Variants in TRIO observed in about 807,000 individuals in gnomAD.
The protein encoded by TRIO is triple functional domain protein.
In TRIO, 58 loss-of-function variants were observed where a neutral mutation model predicts 351.9. That is an observed-to-expected ratio of 0.16 (90% CI 0.13 to 0.21). The LOEUF is 0.21. Among genes scored for constraint, TRIO ranks in the 10% least tolerant of loss-of-function variants. The pLI is 1.00. For missense variants in TRIO, 3,201 were observed against 4,027.8 expected (o/e 0.79, Z 5.56); for synonymous variants, 1,758 against 1,595.7 (o/e 1.10, Z -2.42).
intron 7 of TRIO, among the ~76,000 whole-genome samples, chr5:14,299,525 T>G (rs534943813): frequency 6.6e-6 from 1 of 152,346 alleles, no homozygotes; most frequent in Admixed American, 6.5e-5. Flanking sequence ...AAAAATGTGT[T>G]GTGTCTCGTC....
chr5:14,288,042 G>C (rs1581533871), intron 4 of TRIO, among the ~76,000 whole-genome samples: 1 of 152,088 alleles, frequency 6.6e-6, no homozygotes, highest in East Asian at 1.9e-4. Flanking sequence ...TATGAACTTA[G>C]TTTTAAATTT....
chr5:14,423,697 A>ACT (rs1456408440), intron 34 of TRIO, among the ~76,000 whole-genome samples: 3 of 151,884 alleles, frequency 2.0e-5, no homozygotes, highest in Non-Finnish European at 4.4e-5. Flanking sequence ...AGCGTCTCTC[A>ACT]CTCTCTGCCG....
In TRIO at chr5:14,380,322, G is replaced by A. The variant is rs12659636; in HGVS notation, c.3448-808G>A. ...CTTCGCGCCCCGCCTCCTCCTTCGC[G>A]CCCCGCCTCCTCCTTCGCTCCTCGC... On this transcript the variant is annotated intron_variant, in intron 20 of 56. Coordinates refer to ENST00000344204, the MANE Select transcript of TRIO (RefSeq NM_007118.4). 2.5e-4 allele frequency among the ~76,000 whole-genome samples: 15 copies of A among 58,908 alleles called. No individual in the cohort carries two copies. In the East Asian group the frequency reaches 6.7e-3, roughly 26 times the overall value. The allele number at this position is 58,908 out of a possible 152,430, so 38.6% of individuals were successfully genotyped here.
intron 34 of TRIO, among the ~76,000 whole-genome samples, chr5:14,445,871 T>C (rs1205277500): frequency 4.6e-5 from 7 of 152,194 alleles, no homozygotes; most frequent in African/African-American, 1.4e-4. Context: ...ATGGAATGTT[T>C]TTCCCTTTGT....
chr5:14,231,082 G>T (rs886755336), intron 1 of TRIO, among the ~76,000 whole-genome samples: 1 of 152,170 alleles, frequency 6.6e-6, no homozygotes, highest in Non-Finnish European at 1.5e-5. Context: ...TCTTGTCTTT[G>T]TTTGCTCTTT....
intron 1 of TRIO, among the ~76,000 whole-genome samples, chr5:14,167,597 T>G (rs1788846234): frequency 6.6e-6 from 1 of 152,200 alleles, no homozygotes; most frequent in African/African-American, 2.4e-5. Context: ...ATAATACTAG[T>G]ACTAGAAAAT....
rs1340162874 is a variant in TRIO, at chr5:14,496,915, G to C, written c.7917G>C (p.Arg2639Ser). ...STSWHTALRL[R>S]KKSEKKDKDG... is the part of the protein sequence containing the mutation. Reference sequence around the variant, plus strand: ...CTTGGCACACAGCACTCCGTTTAAGGAAAAAATCTGAGAAAAAAGATAAAG... The same window carrying C: ...CTTGGCACACAGCACTCCGTTTAAGCAAAAAATCTGAGAAAAAAGATAAAG... Residue 2639 changes from arginine (R) to serine (S), a missense_variant, in exon 50 of 57, where the codon AGG becomes AGC. Physicochemically the swap from Arg to Ser is moderately radical, Grantham distance 110 (BLOSUM62 -1). Transcript: ENST00000344204. The C allele has an allele frequency of 6.2e-7, 1 of 1,614,118 alleles. No homozygotes were observed. Among genetic ancestry groups the C allele is most frequent in the Non-Finnish European group, 8.5e-7 (1 of 1,180,032 alleles).
At chr5:14,406,359 A>T (rs954902796) in intron 32 of TRIO, 1 of 580,132 alleles carries the variant, frequency 1.7e-6, no homozygotes, top group Admixed American at 3.0e-5. Flanking sequence ...TTTTATGGTG[A>T]TGGGAATCCA....
intron 6 of TRIO, 99 bp downstream of exon 6, chr5:14,293,233 G>A (rs905521606): frequency 2.0e-5 from 30 of 1,531,856 alleles, no homozygotes; most frequent in Non-Finnish European, 2.4e-5. Flanking sequence ...AGGGGCCTTC[G>A]GAGTGGCTGT....
intron 33 of TRIO, among the ~76,000 whole-genome samples, chr5:14,413,734 T>G (rs1174965026): frequency 6.6e-6 from 1 of 152,232 alleles, no homozygotes; most frequent in Non-Finnish European, 1.5e-5. Context: ...GACAGATTTT[T>G]TTTAAGTTTG....
chr5:14,196,246 A>G (rs1334543239), intron 1 of TRIO, among the ~76,000 whole-genome samples: 2 of 151,866 alleles, frequency 1.3e-5, no homozygotes, highest in Non-Finnish European at 2.9e-5. Flanking sequence ...ACATGGTGAA[A>G]ACCCCCTCTC....
chr5:14,488,345 A>ACTCGGCTGCCCAGCG, intron 48 of TRIO, 85 bp downstream of exon 48: 1 of 1,479,752 alleles, frequency 6.8e-7, no homozygotes, highest in East Asian at 2.5e-5. Flanking sequence ...GTTCTCACTA[A>ACTCGGCTGCCCAGCG]CTCGGCTGCC....
At chr5:14,352,242 G>C (rs1286006709) in intron 11 of TRIO, among the ~76,000 whole-genome samples, 1 of 152,182 alleles carries the variant, frequency 6.6e-6, no homozygotes. Flanking sequence ...CTCAGCACTA[G>C]AGATGGCCAG....
intron 1 of TRIO, among the ~76,000 whole-genome samples, chr5:14,250,755 C>CT (rs1794695807): frequency 6.6e-6 from 1 of 152,066 alleles, no homozygotes; most frequent in South Asian, 2.1e-4. Flanking sequence ...TTGGTTGTGC[C>CT]TTTCTCCGTG....
chr5:14,274,463 T>C (rs566203147), intron 2 of TRIO, among the ~76,000 whole-genome samples: 1 of 152,124 alleles, frequency 6.6e-6, no homozygotes, highest in East Asian at 1.9e-4. Context: ...ATTAGGAGAG[T>C]CTTGTCTTAT....
At chr5:14,328,368 TTAAAG>T (rs1405011515) in intron 9 of TRIO, among the ~76,000 whole-genome samples, 2 of 152,130 alleles carry the variant, frequency 1.3e-5, no homozygotes, top group African/African-American at 2.4e-5. Flanking sequence ...AATGCACTCG[TTAAAG>T]TAATGTGCAC....
At chr5:14,147,884 C>T (rs1036989031) in intron 1 of TRIO, among the ~76,000 whole-genome samples, 4 of 152,134 alleles carry the variant, frequency 2.6e-5, no homozygotes, top group Non-Finnish European at 5.9e-5. Context: ...CCTTGTTACC[C>T]TCAATATTTC....
At chr5:14,346,453 A>T (rs1742424872) in intron 11 of TRIO, among the ~76,000 whole-genome samples, 1 of 152,244 alleles carries the variant, frequency 6.6e-6, no homozygotes, top group African/African-American at 2.4e-5. Context: ...CTTGATAATT[A>T]TATCACCATA....
intron 53 of TRIO, among the ~76,000 whole-genome samples, chr5:14,500,888 C>CAAAAA (rs34729667): frequency 6.3e-5 from 4 of 63,540 alleles, no homozygotes; most frequent in African/African-American, 1.3e-4. Context: ...GACTCTGCCT[C>CAAAAA]AAAAAAAAAA....
Sources: allele counts gnomAD v4.1 joint callset (sites outside exome capture counted in the v4.1 genomes callset), GRCh38; gene constraint gnomAD v4.1.1; transcripts MANE v1.5; gene names NCBI Gene and HGNC (gene_info 2026-07-23, HGNC 2026-07-21).